Variants in CELF2 observed in about 807,000 individuals in gnomAD.
CELF2 encodes CUG triplet repeat RNA-binding protein 2.
Under a neutral mutation model 62.6 loss-of-function variants are expected in CELF2, and 8 were observed. The ratio of observed to expected loss-of-function variants is 0.13; its 90% CI spans 0.07 to 0.23. The LOEUF is 0.23. CELF2 is among the 10% of genes least tolerant of loss of function. CELF2 has a pLI of 1.00. For synonymous variants in CELF2, 258 were observed against 250.0 expected (o/e 1.03, Z -0.30); for missense variants, 333 against 671.0 (o/e 0.50, Z 5.56).
chr10:11,166,816 T>A (rs1333695293), intron 2 of CELF2, among the ~76,000 whole-genome samples: 1 of 152,246 alleles, frequency 6.6e-6, no homozygotes, highest in Non-Finnish European at 1.5e-5. Context: ...ATGATAGAAC[T>A]AGGAAATCTT....
chr10:10,685,181 G>C, the CELF2 span, among the ~76,000 whole-genome samples: 2 of 152,204 alleles, frequency 1.3e-5, no homozygotes, highest in Non-Finnish European at 2.9e-5. Context: ...GAAGTATACA[G>C]AGCGGCTCAG....
At chr10:11,017,491 C>G (rs1045668418), upstream of CELF2, among the ~76,000 whole-genome samples, 10 of 152,280 alleles carry the variant, frequency 6.6e-5, no homozygotes, top group South Asian at 1.9e-3. This position sits in a 1 kb window ranked among gnomAD's most constrained non-coding sequence, Gnocchi z 5.5. Context: ...GGTGATCGCC[C>G]TTAGTTCCTG....
chr10:10,834,053 G>C (rs1047656916), intron 1 of CELF2, among the ~76,000 whole-genome samples: 29 of 152,146 alleles, frequency 1.9e-4, no homozygotes, highest in African/African-American at 6.5e-4. Flanking sequence ...CAAAGACACG[G>C]AATCAACCTA....
the CELF2 span, among the ~76,000 whole-genome samples, chr10:10,642,333 C>A: frequency 1.3e-5 from 2 of 152,140 alleles, no homozygotes; most frequent in African/African-American, 4.8e-5. Context: ...CTCTGAATCA[C>A]TTCTCCAGCA....
chr10:11,306,999 GTA>G lies in CELF2; in HGVS notation c.977-7138_977-7137del, dbSNP rs113723916. 1.5e-3 allele frequency among the ~76,000 whole-genome samples: 226 copies of G among 151,470 alleles called. 1 individual carries two copies. The highest frequency in any genetic ancestry group is 4.4e-3 in the African/African-American group (183 of 41,230). ...TGCCCCATGCTCATAGGCTGTGCGT[GTA>G]TCTGTGCCTAAGGAGTTCTCTGTCC... On this transcript the variant is annotated intron_variant, in intron 9 of 12. Transcript: ENST00000633077. This position sits in a 1 kb window ranked among gnomAD's most constrained non-coding sequence, Gnocchi z 4.4.
intron 1 of CELF2, among the ~76,000 whole-genome samples, chr10:11,103,487 A>ATT (rs3054364): frequency 0.35 from 41,814 of 119,510 alleles, 8,409 homozygotes; most frequent in East Asian, 0.71. Flanking sequence ...TTGTAGCCTG[A>ATT]TTTTTTTTTT....
At chr10:11,102,706 C>T (rs988076547) in intron 1 of CELF2, among the ~76,000 whole-genome samples, 1 of 152,148 alleles carries the variant, frequency 6.6e-6, no homozygotes, top group Non-Finnish European at 1.5e-5. Context: ...GATTGGAAAT[C>T]TCTTCCTAGG....
the CELF2 span, among the ~76,000 whole-genome samples, chr10:10,561,159 T>C: frequency 3.0e-4 from 46 of 152,222 alleles, no homozygotes; most frequent in South Asian, 8.3e-3. Context: ...CAATAACTTA[T>C]GGAAAAATAA....
At chr10:11,202,616 G>T (rs12252240) in intron 2 of CELF2, among the ~76,000 whole-genome samples, 2,300 of 152,306 alleles carry the variant, frequency 0.015, 66 homozygotes, top group African/African-American at 0.053. Context: ...GCTAAGACTT[G>T]CTCTCACTAA....
the CELF2 span, among the ~76,000 whole-genome samples, chr10:10,675,327 G>A: frequency 2.0e-5 from 3 of 152,060 alleles, no homozygotes; most frequent in Admixed American, 1.3e-4. Flanking sequence ...TTTTGCTTGC[G>A]TGGTTTCTGA....
intron 1 of CELF2, among the ~76,000 whole-genome samples, chr10:10,906,784 T>C (rs2063384640): frequency 7.9e-6 from 1 of 126,790 alleles, no homozygotes; most frequent in African/African-American, 3.0e-5. Flanking sequence ...GGGGGCGCAA[T>C]CTCGGCTCAC....
chr10:10,833,090 A>G (rs2058009706), intron 1 of CELF2, among the ~76,000 whole-genome samples: 2 of 151,994 alleles, frequency 1.3e-5, no homozygotes, highest in South Asian at 4.2e-4. Flanking sequence ...AAAATTTAGC[A>G]AAAAGAAAGA....
At position 11,269,779 on chromosome 10, in the gene CELF2, G is replaced by A. The variant is rs1405009945; in HGVS notation, c.619-887G>A. Among the ~76,000 whole-genome samples the A allele has an allele frequency of 6.6e-6, 1 of 152,150 alleles. No individual in the cohort carries two copies. The highest frequency in any genetic ancestry group is 1.5e-5 in the Non-Finnish European group (1 of 68,036). ...GTGTTAGGCCCTTATTATCCCTGAT[G>A]ATTTTATCTAGCTCAGTAGTGAATT... On this transcript the variant is annotated intron_variant, in intron 6 of 12. Transcript: ENST00000633077. This position sits in a 1 kb window ranked among gnomAD's most constrained non-coding sequence, Gnocchi z 4.4.
the CELF2 span, among the ~76,000 whole-genome samples, chr10:10,650,844 A>T: frequency 1.3e-5 from 2 of 151,776 alleles, no homozygotes; most frequent in Non-Finnish European, 2.9e-5. Context: ...CCTAAAAGAA[A>T]TGAAAACGTG....
At chr10:10,765,792 G>C in the CELF2 span, among the ~76,000 whole-genome samples, 7 of 152,308 alleles carry the variant, frequency 4.6e-5, no homozygotes, top group African/African-American at 1.4e-4. Flanking sequence ...TCTCCATGAG[G>C]ACTGAGTGTC....
chr10:11,256,663 CTT>C (rs780191919), intron 4 of CELF2, among the ~76,000 whole-genome samples: 3 of 96,756 alleles, frequency 3.1e-5, no homozygotes, highest in East Asian at 3.4e-4. Context: ...CTGTGATGTC[CTT>C]AAAAAAAAAA....
chr10:10,661,596 T>C, the CELF2 span, among the ~76,000 whole-genome samples: 36 of 152,314 alleles, frequency 2.4e-4, no homozygotes, highest in African/African-American at 8.7e-4. Flanking sequence ...TTTTAACAAA[T>C]GAGGTATATT....
At chr10:10,598,373 C>A in the CELF2 span, among the ~76,000 whole-genome samples, 2 of 152,122 alleles carry the variant, frequency 1.3e-5, no homozygotes, top group South Asian at 2.1e-4. Context: ...TACCACAGTT[C>A]TTCAGGGAAT....
chr10:10,663,168 C>A, the CELF2 span, among the ~76,000 whole-genome samples: 1 of 152,216 alleles, frequency 6.6e-6, no homozygotes, highest in Non-Finnish European at 1.5e-5. Context: ...TTTAAGCGTG[C>A]AGCAGCTGCT....
Sources: gnomAD v4.1 joint callset for allele counts (sites outside exome capture counted in the v4.1 genomes callset) on GRCh38, gnomAD v4.1.1 for gene constraint, Gnocchi (gnomAD v3.1) non-coding constraint, MANE v1.5 for transcripts, NCBI Gene and HGNC (gene_info 2026-07-23, HGNC 2026-07-21) for gene names.